Variants in MCPH1 observed in about 807,000 individuals in gnomAD.
MCPH1 encodes the protein microcephalin 1.
A neutral mutation model predicts 84.5 loss-of-function variants in MCPH1; 104 were observed. That is an observed-to-expected ratio of 1.23 (90% CI 1.05 to 1.45). The LOEUF (loss-of-function observed/expected upper bound fraction) is 1.45. Ranked by LOEUF, MCPH1 falls within the 40% of genes most tolerant of loss-of-function variation. The pLI is 0.00. For missense variants in MCPH1, 1,498 were observed against 1,005.7 expected (o/e 1.49, Z -6.62); for synonymous variants, 514 against 366.8 (o/e 1.40, Z -4.58).
intron 12 of MCPH1, among the ~76,000 whole-genome samples, chr8:6,551,124 G>A (rs986514944): frequency 6.6e-6 from 1 of 152,302 alleles, no homozygotes; most frequent in African/African-American, 2.4e-5. Flanking sequence ...CCCCTGACTC[G>A]AAGCTGACCA....
At chr8:6,621,408 C>G in intron 12 of MCPH1, 46 bp from the exon 13 acceptor site, 1 of 1,609,920 alleles carries the variant, frequency 6.2e-7, no homozygotes, top group Middle Eastern at 1.7e-4. Context: ...GCTATGGAGA[C>G]TGGAGTGGTC....
At position 6,623,688 on chromosome 8, in the gene MCPH1, C is replaced by CAAAAAAAAAAAAAAAAAA. The variant is rs377522481; in HGVS notation, c.2452+2010_2452+2027dup. Among the ~76,000 whole-genome samples, 14 of 92,424 alleles carry CAAAAAAAAAAAAAAAAAA rather than the reference C, an allele frequency of 1.5e-4. 1 individual carries two copies. Among genetic ancestry groups the CAAAAAAAAAAAAAAAAAA allele is most frequent in the African/African-American group, 4.6e-4 (10 of 21,790 alleles). The allele number at this position is 92,424 out of a possible 152,430, so 60.6% of individuals were successfully genotyped here. ...CATCTTTTGCCTGGAAACCAACTTC[C>CAAAAAAAAAAAAAAAAAA]AAAAAAAAAAAAAAAAAAAAAAAAA... On this transcript the variant is annotated intron_variant, in intron 13 of 13. Coordinates refer to ENST00000344683, the MANE Select transcript of MCPH1 (RefSeq NM_024596.5).
intron 3 of MCPH1, among the ~76,000 whole-genome samples, chr8:6,424,126 G>T (rs1312476248): frequency 6.6e-6 from 1 of 152,170 alleles, no homozygotes; most frequent in East Asian, 1.9e-4. Context: ...CCTTCTGGGA[G>T]TGTTCATTTT....
intron 3 of MCPH1, among the ~76,000 whole-genome samples, chr8:6,430,361 A>G (rs1292892056): frequency 1.3e-5 from 2 of 152,126 alleles, no homozygotes; most frequent in South Asian, 4.1e-4. Flanking sequence ...ATTCCACTGC[A>G]TTGTATACTG....
At chr8:6,579,360 G>C (rs1303624237) in intron 12 of MCPH1, among the ~76,000 whole-genome samples, 1 of 152,162 alleles carries the variant, frequency 6.6e-6, no homozygotes, top group East Asian at 1.9e-4. Context: ...AGACAGTTTA[G>C]ATCCATTCCC....
rs144265818 is a variant in MCPH1, at chr8:6,488,353, T to C, written c.2136+7477T>C. Among the ~76,000 whole-genome samples the C allele has an allele frequency of 2.3e-3, 354 of 152,310 alleles. 4 individuals carry two copies. The highest frequency in any genetic ancestry group is 8.2e-3 in the African/African-American group (341 of 41,572). On this transcript the variant is annotated intron_variant, in intron 11 of 13. Coordinates refer to ENST00000344683, the MANE Select transcript of MCPH1 (RefSeq NM_024596.5). ...TCATCTGTAAAATTGAGGGCTGTGG[T>C]GCTGCCCTCTAGGAGGACATTTGGA...
intron 12 of MCPH1, among the ~76,000 whole-genome samples, chr8:6,564,449 C>T (rs560417161): frequency 4.1e-4 from 62 of 152,272 alleles, no homozygotes; most frequent in African/African-American, 1.4e-3. Context: ...AGATTTTTCA[C>T]CTTCAATCCT....
intron 13 of MCPH1, among the ~76,000 whole-genome samples, chr8:6,635,631 A>T (rs1237011621): frequency 6.6e-6 from 1 of 152,106 alleles, no homozygotes; most frequent in East Asian, 1.9e-4. Flanking sequence ...TTTGTACATG[A>T]AACAAACTTT....
At chr8:6,434,166 A>T (rs1384218885) in intron 4 of MCPH1, among the ~76,000 whole-genome samples, 1 of 152,170 alleles carries the variant, frequency 6.6e-6, no homozygotes, top group Admixed American at 6.5e-5. Context: ...ACACTGTAGT[A>T]ATGTGGGCAG....
At chr8:6,422,880 G>C (rs1416615452) in intron 3 of MCPH1, among the ~76,000 whole-genome samples, 2 of 151,904 alleles carry the variant, frequency 1.3e-5, no homozygotes, top group Non-Finnish European at 2.9e-5. Flanking sequence ...AGTAGAGACG[G>C]GGTTTCACTG....
At chr8:6,484,777 C>G (rs1340680322) in intron 11 of MCPH1, among the ~76,000 whole-genome samples, 2 of 152,204 alleles carry the variant, frequency 1.3e-5, no homozygotes, top group Non-Finnish European at 2.9e-5. Flanking sequence ...AGGTCACATG[C>G]TGTATAAGGC....
intron 12 of MCPH1, among the ~76,000 whole-genome samples, chr8:6,592,623 G>GTTTTTTTTTTTTTTTTTTTTTTTTTT (rs573651366): frequency 3.9e-5 from 3 of 77,558 alleles, no homozygotes; most frequent in African/African-American, 1.1e-4. Flanking sequence ...TCTTTTTTTT[G>GTTTTTTTTTTTTTTTTTTTTTTTTTT]TTTTTTTTTT....
intron 9 of MCPH1, among the ~76,000 whole-genome samples, chr8:6,469,399 C>A (rs1409769059): frequency 6.6e-6 from 1 of 152,156 alleles, no homozygotes; most frequent in Non-Finnish European, 1.5e-5. Flanking sequence ...CACGATGTAG[C>A]TGCCAGGGAT....
Position 6,480,797 on chromosome 8 carries a change from T to C in MCPH1, c.2057T>C (p.Val686Ala). The change falls in exon 11 of 14, where the codon GTG becomes GCG. Residue 686 changes from valine (V) to alanine (A), a missense_variant. Coordinates refer to ENST00000344683, the MANE Select transcript of MCPH1 (RefSeq NM_024596.5). Reference sequence around the variant, plus strand: ...GACGTCTGTGAGACCACGACTCACGTGCTTTCCGGGAAGCCACTTCGCACC... The same window carrying C: ...GACGTCTGTGAGACCACGACTCACGCGCTTTCCGGGAAGCCACTTCGCACC... ...APDVCETTTH[V>A]LSGKPLRTLN... 1 of 1,614,236 alleles carries C rather than the reference T, an allele frequency of 6.2e-7. No homozygotes were observed. Among genetic ancestry groups the C allele is most frequent in the Non-Finnish European group, 8.5e-7 (1 of 1,180,042 alleles).
At chr8:6,544,144 A>G (rs1343819625) in intron 12 of MCPH1, among the ~76,000 whole-genome samples, 1 of 152,224 alleles carries the variant, frequency 6.6e-6, no homozygotes, top group Non-Finnish European at 1.5e-5. Context: ...TCATCTCTTG[A>G]TCTGAAATTT....
rs1806818895 is a variant in MCPH1, at chr8:6,465,761, GT to G, written c.1935+10511del. 2.6e-5 allele frequency among the ~76,000 whole-genome samples: 4 copies of G among 152,144 alleles called. No homozygotes were observed. In the South Asian group the frequency reaches 8.3e-4, roughly 32 times the overall value. On this transcript the variant is annotated intron_variant, in intron 9 of 13. Coordinates refer to ENST00000344683, the MANE Select transcript of MCPH1 (RefSeq NM_024596.5). ...TAATAAGTAACAAGCGGCTTTGTTT[GT>G]TATGCTCCTCAGACACGCGGTAAGG... is the stretch of plus-strand genomic sequence containing the variant.
intron 12 of MCPH1, chr8:6,562,571 T>TTTTTTTTTTTTTTTTTTTTTTA: frequency 2.4e-6 from 1 of 417,078 alleles, no homozygotes; most frequent in Non-Finnish European, 4.0e-6. Flanking sequence ...TTTTTTTTTT[T>TTTTTTTTTTTTTTTTTTTTTTA]GGTTGTTAAA....
chr8:6,446,066 C>CTCA (rs1375869740), intron 8 of MCPH1: 18 of 980,432 alleles, frequency 1.8e-5, no homozygotes, highest in East Asian at 2.3e-4. Flanking sequence ...TCAGTGTTAA[C>CTCA]TATGAAGAAA....
intron 12 of MCPH1, among the ~76,000 whole-genome samples, chr8:6,505,109 C>T (rs1002040566): frequency 2.1e-5 from 2 of 97,482 alleles, no homozygotes; most frequent in African/African-American, 6.3e-5. Flanking sequence ...TAGGGAATGG[C>T]ACTGGCAGGT....
Sources: allele counts gnomAD v4.1 joint callset (sites outside exome capture counted in the v4.1 genomes callset), GRCh38; gene constraint gnomAD v4.1.1; transcripts MANE v1.5; gene names NCBI Gene and HGNC (gene_info 2026-07-23, HGNC 2026-07-21).